The following OTUD7A variants were observed in gnomAD, a reference collection of about 807,000 sequenced individuals.
OTUD7A encodes OTU domain-containing protein 7A.
Under a neutral mutation model 65.7 loss-of-function variants are expected in OTUD7A, and 12 were observed. That is an observed-to-expected ratio of 0.18 (90% confidence interval 0.12 to 0.30). OTUD7A has a LOEUF of 0.30. Among genes scored for constraint, OTUD7A ranks in the 10% least tolerant of loss-of-function variants. OTUD7A has a pLI of 1.00. For synonymous variants in OTUD7A, 641 were observed against 586.3 expected (o/e 1.09, Z -1.35); for missense variants, 1,148 against 1,304.8 (o/e 0.88, Z 1.85).
rs544198704 is a variant in OTUD7A, at chr15:31,791,792, T to C, written c.-100+78715A>G. 3.3e-5 allele frequency among the ~76,000 whole-genome samples: 5 copies of C among 152,264 alleles called. No homozygotes were observed. In the East Asian group the frequency reaches 7.7e-4, roughly 23 times the overall value. On this transcript the variant is annotated intron_variant, in intron 1 of 12. Coordinates refer to ENST00000307050, the MANE Select transcript of OTUD7A (RefSeq NM_001382637.1). ...GCTGTCTTGACACCCCACCCTCTCC[T>C]GGTCCTCCTCCTTCATCACTGGCTG...
At chr15:31,599,556 A>C (rs12324344) in intron 3 of OTUD7A, among the ~76,000 whole-genome samples, 4,309 of 152,276 alleles carry the variant, frequency 0.028, 232 homozygotes, top group African/African-American at 0.097. Context: ...AAAGGCTGAA[A>C]ATTCCAAAAA....
intron 3 of OTUD7A, among the ~76,000 whole-genome samples, chr15:31,630,372 G>A (rs557487005): frequency 2.8e-4 from 42 of 152,206 alleles, no homozygotes; most frequent in African/African-American, 8.0e-4. Context: ...TCAGGAGCAG[G>A]TTGTTCAGTT....
chr15:31,618,288 A>G (rs1209764567), intron 3 of OTUD7A, among the ~76,000 whole-genome samples: 3 of 152,344 alleles, frequency 2.0e-5, no homozygotes, highest in Admixed American at 2.0e-4. Flanking sequence ...CTTTGGGTAT[A>G]TACCCAGTAA....
chr15:31,628,352 C>T (rs989087662), intron 3 of OTUD7A, among the ~76,000 whole-genome samples: 7 of 152,202 alleles, frequency 4.6e-5, no homozygotes, highest in Non-Finnish European at 1.0e-4. Flanking sequence ...AATAGGGAAT[C>T]CTTTCCCCAT....
intron 3 of OTUD7A, among the ~76,000 whole-genome samples, chr15:31,591,767 A>G (rs1009950594): frequency 1.3e-5 from 2 of 152,248 alleles, no homozygotes; most frequent in African/African-American, 2.4e-5. Flanking sequence ...TTCATGTGCC[A>G]CTTAACAATG....
intron 8 of OTUD7A, among the ~76,000 whole-genome samples, chr15:31,523,376 G>C (rs1214451519): frequency 6.6e-6 from 1 of 152,226 alleles, no homozygotes; most frequent in East Asian, 1.9e-4. Context: ...CTGACCTGCT[G>C]TCTGAGGAAG....
intron 1 of OTUD7A, among the ~76,000 whole-genome samples, chr15:31,763,269 C>T (rs1358198372): frequency 2.0e-5 from 3 of 151,390 alleles, no homozygotes; most frequent in African/African-American, 4.9e-5. Flanking sequence ...GGCAACAGAG[C>T]GAGACTCCAT....
At chr15:31,862,806 C>T (rs1051190583) in intron 1 of OTUD7A, among the ~76,000 whole-genome samples, 1 of 152,154 alleles carries the variant, frequency 6.6e-6, no homozygotes, top group African/African-American at 2.4e-5. Flanking sequence ...ACCAATTGTG[C>T]CTTCCCAACA....
chr15:31,804,059 T>C (rs932195835), intron 1 of OTUD7A, among the ~76,000 whole-genome samples: 16 of 152,270 alleles, frequency 1.1e-4, no homozygotes, highest in Non-Finnish European at 1.8e-4. Context: ...CAAAACATAT[T>C]TGGTCTTGCT....
chr15:31,742,728 A>G (rs1369552551), intron 1 of OTUD7A, among the ~76,000 whole-genome samples: 1 of 152,126 alleles, frequency 6.6e-6, no homozygotes, highest in East Asian at 1.9e-4. Flanking sequence ...ATTTACAGAT[A>G]CTCACTTTAA....
intron 5 of OTUD7A, among the ~76,000 whole-genome samples, chr15:31,547,624 G>A (rs1326944454): frequency 6.6e-6 from 1 of 152,070 alleles, no homozygotes; most frequent in Non-Finnish European, 1.5e-5. Context: ...CTCTGTTACA[G>A]CAGATTCATC....
At chr15:31,526,717 C>G (rs527587926) in intron 7 of OTUD7A, among the ~76,000 whole-genome samples, 1 of 152,136 alleles carries the variant, frequency 6.6e-6, no homozygotes, top group African/African-American at 2.4e-5. Flanking sequence ...TGGGGATGAC[C>G]GAGCATTAAC....
intron 1 of OTUD7A, among the ~76,000 whole-genome samples, chr15:31,838,120 T>C (rs957539402): frequency 2.0e-5 from 3 of 152,064 alleles, no homozygotes; most frequent in Admixed American, 1.3e-4. Flanking sequence ...TAAAAAATAA[T>C]CAAAAATGGA....
intron 3 of OTUD7A, among the ~76,000 whole-genome samples, chr15:31,599,757 G>C (rs367859812): frequency 4.6e-5 from 7 of 152,096 alleles, no homozygotes; most frequent in Admixed American, 1.3e-4. Context: ...AAGGTTAGAC[G>C]AATTGCTAAC....
chr15:31,659,339 A>G lies in OTUD7A; in HGVS notation c.-99-2262T>C, dbSNP rs867107255. On this transcript the variant is annotated intron_variant, in intron 1 of 12. Transcript: ENST00000307050. ...GAATGCTTTTAACATCTGTCTTAAC[A>G]GAGGGCCAGCTGCCTGAGAGCTGGG... is the stretch of plus-strand genomic sequence containing the variant. Among the ~76,000 whole-genome samples the G allele has an allele frequency of 6.3e-4, 96 of 152,256 alleles. 1 individual carries two copies. The highest frequency in any genetic ancestry group is 1.9e-3 in the African/African-American group (79 of 41,564).
intron 3 of OTUD7A, among the ~76,000 whole-genome samples, chr15:31,600,796 C>G (rs1409584516): frequency 1.3e-5 from 2 of 152,090 alleles, no homozygotes; most frequent in Non-Finnish European, 2.9e-5. Context: ...CAAAAAAAAG[C>G]AGGGGTTGCA....
intron 5 of OTUD7A, among the ~76,000 whole-genome samples, chr15:31,553,793 C>T (rs894666335): frequency 2.0e-5 from 3 of 152,076 alleles, no homozygotes; most frequent in South Asian, 2.1e-4. Flanking sequence ...CCCTGCCAGC[C>T]GTCTCTCTCT....
At chr15:31,641,232 G>A (rs1474747767) in intron 3 of OTUD7A, among the ~76,000 whole-genome samples, 10 of 152,104 alleles carry the variant, frequency 6.6e-5, no homozygotes, top group Non-Finnish European at 1.5e-5. Flanking sequence ...TGAAGAAGGT[G>A]CCTGCTTCTC....
intron 1 of OTUD7A, among the ~76,000 whole-genome samples, chr15:31,788,752 A>G (rs1204638751): frequency 1.3e-5 from 2 of 152,344 alleles, no homozygotes. Context: ...TACCCTTAGA[A>G]CAGAGACATT....
Sources: allele counts gnomAD v4.1 joint callset (sites outside exome capture counted in the v4.1 genomes callset), GRCh38; gene constraint gnomAD v4.1.1; transcripts MANE v1.5; gene names NCBI Gene and HGNC (gene_info 2026-07-23, HGNC 2026-07-21).